Variants in KCND3 observed in about 807,000 individuals in gnomAD.
KCND3 encodes the protein potassium voltage-gated channel subfamily D member 3.
In KCND3, 9 loss-of-function variants were observed where a neutral mutation model predicts 51.1. The observed-to-expected ratio is 0.18, with a 90% CI of 0.11 to 0.31. KCND3 has a LOEUF of 0.31. Among genes scored for constraint, KCND3 ranks in the 10% least tolerant of loss-of-function variants. The pLI is 1.00. For missense variants in KCND3, 526 were observed against 903.8 expected, an observed-to-expected ratio of 0.58 and a Z score of 5.36; for synonymous variants, 349 against 368.0, an observed-to-expected ratio of 0.95 and a Z score of 0.59.
chr1:111,964,449 C>T (rs1571912230), intron 2 of KCND3, among the ~76,000 whole-genome samples: 1 of 12,068 alleles, frequency 8.3e-5, no homozygotes, highest in South Asian at 2.9e-3. Flanking sequence ...GCTCCTGAGG[C>T]AGCTGGTGGG....
At chr1:111,962,714 G>A (rs1378534875) in intron 2 of KCND3, among the ~76,000 whole-genome samples, 3 of 152,190 alleles carry the variant, frequency 2.0e-5, no homozygotes, top group Non-Finnish European at 2.9e-5. Context: ...GGACCCTGAG[G>A]CTGGTTGTGA....
At chr1:111,826,496 T>G (rs1666579806) in intron 2 of KCND3, among the ~76,000 whole-genome samples, 1 of 152,202 alleles carries the variant, frequency 6.6e-6, no homozygotes, top group Non-Finnish European at 1.5e-5. Flanking sequence ...TTCCTTTGTA[T>G]GTGCACACAC....
chr1:111,815,649 C>T (rs1246454791), intron 2 of KCND3, among the ~76,000 whole-genome samples: 1 of 151,636 alleles, frequency 6.6e-6, no homozygotes, highest in Admixed American at 6.6e-5. Context: ...TCTGACCCTG[C>T]TCCTTGGCTA....
intron 2 of KCND3, among the ~76,000 whole-genome samples, chr1:111,976,067 GT>G (rs1674608350): frequency 1.3e-5 from 2 of 152,174 alleles, no homozygotes; most frequent in African/African-American, 4.8e-5. Context: ...TTTATTTGCT[GT>G]TGGGTGCTGT....
chr1:111,834,792 C>A (rs1300273924), intron 2 of KCND3, among the ~76,000 whole-genome samples: 1 of 152,228 alleles, frequency 6.6e-6, no homozygotes, highest in African/African-American at 2.4e-5. Flanking sequence ...GATGATCCTG[C>A]AGATAGTTGA....
At chr1:111,910,533 G>A (rs941261206) in intron 2 of KCND3, among the ~76,000 whole-genome samples, 6 of 152,206 alleles carry the variant, frequency 3.9e-5, no homozygotes, top group Admixed American at 2.6e-4. Flanking sequence ...CACAGTGACA[G>A]CAGCTTAGTC....
intron 2 of KCND3, among the ~76,000 whole-genome samples, chr1:111,895,038 A>G: frequency 6.9e-6 from 1 of 144,984 alleles, no homozygotes; most frequent in African/African-American, 2.6e-5. Context: ...GATGAGAGGG[A>G]GATGTGGAGA....
At chr1:111,895,337 C>T (rs1300133167) in intron 2 of KCND3, among the ~76,000 whole-genome samples, 1 of 151,940 alleles carries the variant, frequency 6.6e-6, no homozygotes, top group Non-Finnish European at 1.5e-5. Context: ...TGGGCAAAAA[C>T]GTCATGCATT....
At chr1:111,890,842 G>A (rs775760295) in intron 2 of KCND3, among the ~76,000 whole-genome samples, 19 of 152,158 alleles carry the variant, frequency 1.2e-4, no homozygotes, top group Non-Finnish European at 2.1e-4. Flanking sequence ...ATAACCAACT[G>A]GCTCAACCAT....
At chr1:111,861,929 CA>C (rs1442799531) in intron 2 of KCND3, among the ~76,000 whole-genome samples, 1 of 152,160 alleles carries the variant, frequency 6.6e-6, no homozygotes, top group African/African-American at 2.4e-5. Context: ...GAGGGACCCC[CA>C]AATAAGTAGA....
At chr1:111,867,873 G>T (rs1668647927) in intron 2 of KCND3, among the ~76,000 whole-genome samples, 1 of 152,158 alleles carries the variant, frequency 6.6e-6, no homozygotes. Context: ...AGGCTATGGG[G>T]GCAGACAGAC....
intron 2 of KCND3, among the ~76,000 whole-genome samples, chr1:111,963,647 C>G (rs1329458350): frequency 6.6e-6 from 1 of 152,192 alleles, no homozygotes; most frequent in Non-Finnish European, 1.5e-5. Context: ...AGGAAGGGGG[C>G]TGACTAGCAG....
At chr1:111,967,601 A>C (rs1674079839) in intron 2 of KCND3, among the ~76,000 whole-genome samples, 1 of 152,180 alleles carries the variant, frequency 6.6e-6, no homozygotes, top group Non-Finnish European at 1.5e-5. Context: ...TGGCTGCTTT[A>C]GTCAAGGACT....
chr1:111,968,810 A>G (rs1571919434), intron 2 of KCND3, among the ~76,000 whole-genome samples: 1 of 152,146 alleles, frequency 6.6e-6, no homozygotes, highest in African/African-American at 2.4e-5. Flanking sequence ...TCTCTAGTGG[A>G]CTAGGAGGGG....
At chr1:111,856,026 C>T (rs1239722769) in intron 2 of KCND3, among the ~76,000 whole-genome samples, 1 of 152,210 alleles carries the variant, frequency 6.6e-6, no homozygotes, top group African/African-American at 2.4e-5. Context: ...TCCCTCCAGG[C>T]TCTTGCCAGG....
intron 2 of KCND3, chr1:111,856,784 G>A (rs1668092773): frequency 6.6e-6 from 1 of 152,482 alleles, no homozygotes; most frequent in African/African-American, 2.4e-5. Context: ...AGACTGGATG[G>A]AGGAGGGAGG....
chr1:111,850,819 C>G (rs958617861), intron 2 of KCND3, among the ~76,000 whole-genome samples: 2 of 152,198 alleles, frequency 1.3e-5, no homozygotes, highest in African/African-American at 2.4e-5. Flanking sequence ...GTTCAAACAC[C>G]CACATGACAC....
intron 2 of KCND3, among the ~76,000 whole-genome samples, chr1:111,903,333 A>G (rs1313679879): frequency 1.3e-5 from 2 of 152,210 alleles, no homozygotes; most frequent in East Asian, 1.9e-4. Flanking sequence ...GTCATGTGAC[A>G]TTCAACACGG....
At chr1:111,871,985 C>T (rs1406034062) in intron 2 of KCND3, among the ~76,000 whole-genome samples, 1 of 152,066 alleles carries the variant, frequency 6.6e-6, no homozygotes, top group Non-Finnish European at 1.5e-5. Context: ...ATGGTCAGTA[C>T]CGTCAAGAGC....
Sources: gnomAD v4.1 joint callset for allele counts (sites outside exome capture counted in the v4.1 genomes callset) on GRCh38, gnomAD v4.1.1 for gene constraint, MANE v1.5 for transcripts, NCBI Gene and HGNC (gene_info 2026-07-23, HGNC 2026-07-21) for gene names.